SLC30A6: variants seen among roughly 807,000 people sequenced by gnomAD.
SLC30A6 encodes zinc transporter 6.
Under a neutral mutation model 63.0 loss-of-function variants are expected in SLC30A6, and 55 were observed. The observed-to-expected ratio is 0.87, with a 90% CI of 0.70 to 1.09. SLC30A6 has a LOEUF of 1.09. SLC30A6 is among the 50% of genes least tolerant of loss of function. SLC30A6 has a pLI of 0.00. For missense variants in SLC30A6, 587 were observed against 549.2 expected, an observed-to-expected ratio of 1.07 and a Z score of -0.69; for synonymous variants, 224 against 186.1, an observed-to-expected ratio of 1.20 and a Z score of -1.66.
chr2:32,170,425 G>A (rs1681095442), intron 1 of SLC30A6, among the ~76,000 whole-genome samples: 1 of 152,018 alleles, frequency 6.6e-6, no homozygotes, highest in Non-Finnish European at 1.5e-5. Flanking sequence ...CCTAAACTTG[G>A]GTGGTTAATC....
intron 10 of SLC30A6, among the ~76,000 whole-genome samples, chr2:32,200,680 C>T (rs927277297): frequency 6.6e-6 from 1 of 151,612 alleles, no homozygotes; most frequent in Non-Finnish European, 1.5e-5. Flanking sequence ...GTCATCACCA[C>T]TCCCTAATCT....
At chr2:32,171,937 G>A (rs549771931) in intron 2 of SLC30A6, among the ~76,000 whole-genome samples, 20 of 152,098 alleles carry the variant, frequency 1.3e-4, no homozygotes, top group Non-Finnish European at 1.9e-4. Flanking sequence ...CAGGTGATCC[G>A]CCCACCTCGG....
intron 12 of SLC30A6, among the ~76,000 whole-genome samples, chr2:32,208,262 C>G (rs550298075): frequency 2.0e-5 from 3 of 151,644 alleles, no homozygotes; most frequent in African/African-American, 7.3e-5. Context: ...TCCTGAGTAG[C>G]TGGGATTACA....
chr2:32,171,890 C>T (rs979644468), intron 2 of SLC30A6, among the ~76,000 whole-genome samples: 11 of 152,196 alleles, frequency 7.2e-5, no homozygotes, highest in African/African-American at 2.4e-4. Context: ...GATGGGGTTT[C>T]ACCATGTTGG....
intron 11 of SLC30A6, among the ~76,000 whole-genome samples, chr2:32,205,108 C>T (rs1392918496): frequency 6.6e-6 from 1 of 152,062 alleles, no homozygotes; most frequent in Non-Finnish European, 1.5e-5. Context: ...CCATCGTGCC[C>T]AGTCATAATT....
chr2:32,180,958 G>A (rs887593144), intron 4 of SLC30A6, among the ~76,000 whole-genome samples: 2 of 152,118 alleles, frequency 1.3e-5, no homozygotes, highest in Admixed American at 6.5e-5. Context: ...GCTACATAAC[G>A]TTTCAGATGA....
Position 32,174,088 on chromosome 2 carries a change from T to G in SLC30A6, c.116T>G (p.Val39Gly), listed in dbSNP as rs1681483448. 6.2e-7 allele frequency: 1 copy of G among 1,613,612 alleles called. No homozygotes were observed. Among genetic ancestry groups the G allele is most frequent in the African/African-American group, 1.3e-5 (1 of 74,932 alleles). ...TCCTGGAAGATACTGCTCTTTGGTG[T>G]AATAAACTTGATATGTACTGGCTTC... Reference protein sequence around the residue: ...RRSWKILLFGVINLICTGFLL... With the variant: ...RRSWKILLFGGINLICTGFLL... The change falls in exon 3 of 14, where the codon GTA (valine) becomes GGA (glycine). Residue 39 changes from valine (V) to glycine (G), a missense_variant. Physicochemically the swap from Val to Gly is moderately radical, Grantham distance 109. Transcript: ENST00000282587.
intron 1 of SLC30A6, 21 bp downstream of exon 1, chr2:32,165,924 AG>A (rs768240298): frequency 4.3e-6 from 7 of 1,614,042 alleles, no homozygotes; most frequent in Admixed American, 3.3e-5. Context: ...TGTTGGGGTG[AG>A]GGTTTCGGCT....
chr2:32,209,777 C>G (rs1472701477), intron 13 of SLC30A6, among the ~76,000 whole-genome samples: 1 of 151,938 alleles, frequency 6.6e-6, no homozygotes, highest in Non-Finnish European at 1.5e-5. Context: ...TGGTGTTGAA[C>G]TCCTGGCCTC....
In SLC30A6 at chr2:32,204,632, C is replaced by T. The variant is rs773603881; in HGVS notation, c.708C>T (p.Ala236=). 12 of 1,612,422 alleles carry T rather than the reference C, an allele frequency of 7.4e-6. No homozygotes were observed. Among genetic ancestry groups the T allele is most frequent in the South Asian group, 1.1e-5 (1 of 91,038 alleles). Residue 236 remains alanine (A), a synonymous_variant, in exon 11 of 14, where the codon GCC becomes GCT. Coordinates refer to ENST00000282587, the MANE Select transcript of SLC30A6 (RefSeq NM_017964.5). ...AVDTASAIAI[A]LMTFGTMYPM... ...ACACTGCCTCTGCTATAGCTATTGC[C>T]TTGATGACATTTGGCACTATGTATC...
At chr2:32,219,760 A>G (rs1686013097) in intron 13 of SLC30A6, among the ~76,000 whole-genome samples, 1 of 152,076 alleles carries the variant, frequency 6.6e-6, no homozygotes, top group South Asian at 2.1e-4. Context: ...TATTGGTATT[A>G]TTGCTTATTC....
In SLC30A6 at chr2:32,221,659, T is replaced by C. The variant is rs1686151405; in HGVS notation, c.*946T>C. On this transcript the variant is annotated 3_prime_UTR_variant, in exon 14 of 14. Transcript: ENST00000282587. Reference sequence around the variant, plus strand: ...TTAGCAGAAATTTTGGAATACATTCTATCTAGCACAATTTGAATTTTTAAT... The same window carrying C: ...TTAGCAGAAATTTTGGAATACATTCCATCTAGCACAATTTGAATTTTTAAT... 1 of 152,256 alleles carries C rather than the reference T, an allele frequency of 6.6e-6. No individual in the cohort carries two copies. The highest frequency in any genetic ancestry group is 1.9e-4 in the East Asian group (1 of 5,204). The allele number at this position is 152,256 out of a possible 1,614,324, so 9.4% of individuals were successfully genotyped here. A position where few individuals can be genotyped will look rare whatever the true frequency, so the allele number is the denominator to read the frequency against.
At chr2:32,173,065 T>C (rs7580118) in intron 2 of SLC30A6, among the ~76,000 whole-genome samples, 17,485 of 152,262 alleles carry the variant, frequency 0.11, 1,100 homozygotes, top group Middle Eastern at 0.22. Flanking sequence ...TCTTACATCA[T>C]TGTTTTTCTT....
Position 32,220,208 on chromosome 2 carries a change from T to A in SLC30A6, c.886-5T>A. The A allele has an allele frequency of 6.2e-7, 1 of 1,608,006 alleles. No individual in the cohort carries two copies. The highest frequency in any genetic ancestry group is 8.5e-7 in the Non-Finnish European group (1 of 1,175,278). ...ATCTCTTTGTTATGATTTTGCCCCT[T>A]TTAGGCTGGATCAGTGCATGTAAGA... On this transcript the variant is annotated splice_polypyrimidine_tract_variant and splice_region_variant and intron_variant, in intron 13 of 13. Transcript: ENST00000282587.
Position 32,220,340 on chromosome 2 carries a change from G to A in SLC30A6, c.1013G>A (p.Arg338Lys), listed in dbSNP as rs1216686448. ...CAAATTTTCAAGGATGACTGGATTA[G>A]GCCTGCCTTATTGTCTGGGCCTGTT... ...TVQIFKDDWI[R>K]PALLSGPVAA... Residue 338 changes from arginine to lysine, a missense_variant, in exon 14 of 14, where the codon AGG becomes AAG. Arg to Lys is a conservative substitution (Grantham distance 26, BLOSUM62 2). Transcript: ENST00000282587. The A allele has an allele frequency of 6.2e-7, 1 of 1,614,158 alleles. No individual in the cohort carries two copies. The highest frequency in any genetic ancestry group is 1.1e-5 in the South Asian group (1 of 91,082).
At position 32,220,226 on chromosome 2, in the gene SLC30A6, A is replaced by G; in HGVS notation, c.899A>G (p.His300Arg). The G allele has an allele frequency of 6.2e-7, 1 of 1,613,832 alleles. No homozygotes were observed. The highest frequency in any genetic ancestry group is 1.1e-5 in the South Asian group (1 of 91,076). ...LGFGSLAGSVHVRIRRDANEQ... is the reference protein window; with the variant it reads ...LGFGSLAGSVRVRIRRDANEQ... ...TGCCCCTTTTAGGCTGGATCAGTGC[A>G]TGTAAGAATTCGACGAGATGCCAAT... The change falls in exon 14 of 14, where the codon CAT becomes CGT. Residue 300 changes from histidine to arginine, a missense_variant. His to Arg is a conservative substitution (Grantham distance 29). Coordinates refer to ENST00000282587, the MANE Select transcript of SLC30A6 (RefSeq NM_017964.5).
intron 7 of SLC30A6, 76 bp from the exon 8 acceptor site, chr2:32,193,813 C>A (rs913574914): frequency 1.8e-6 from 2 of 1,130,410 alleles, no homozygotes; most frequent in African/African-American, 1.5e-5. Context: ...ACCTCTTAGT[C>A]CCTCTACGTA....
intron 11 of SLC30A6, 29 bp from the exon 12 acceptor site, chr2:32,206,857 T>G: frequency 6.3e-7 from 1 of 1,593,776 alleles, no homozygotes; most frequent in Non-Finnish European, 8.6e-7. Context: ...CTTCCCCCAT[T>G]ATTCATATTT....
At chr2:32,203,620 C>G (rs1204593528) in intron 10 of SLC30A6, 1 of 1,585,214 alleles carries the variant, frequency 6.3e-7, no homozygotes, top group Non-Finnish European at 8.7e-7. Context: ...TTGGAAAGAA[C>G]TTAACAGAAA....
Sources: allele counts gnomAD v4.1 joint callset (sites outside exome capture counted in the v4.1 genomes callset), GRCh38; gene constraint gnomAD v4.1.1; transcripts MANE v1.5; gene names NCBI Gene and HGNC (gene_info 2026-07-23, HGNC 2026-07-21).